The following RALGAPA1 variants were observed in gnomAD, a reference collection of about 807,000 sequenced individuals.
RALGAPA1 encodes the protein Ral GTPase activating protein catalytic subunit alpha 1, also known as ral GTPase-activating protein subunit alpha-1.
A neutral mutation model predicts 269.6 loss-of-function variants in RALGAPA1; 52 were observed. The observed-to-expected ratio is 0.19, with a 90% CI of 0.15 to 0.24. The LOEUF is 0.24. RALGAPA1 is among the 10% of genes least tolerant of loss of function. The pLI is 1.00. For missense variants in RALGAPA1, 1,917 were observed against 3,013.9 expected, an observed-to-expected ratio of 0.64 and a Z score of 8.52; for synonymous variants, 817 against 1,008.3, an observed-to-expected ratio of 0.81 and a Z score of 3.60.
chr14:35,664,399 G>A (rs2063771073), intron 27 of RALGAPA1, among the ~76,000 whole-genome samples: 1 of 152,138 alleles, frequency 6.6e-6, no homozygotes, highest in African/African-American at 2.4e-5. Context: ...GTAAGTGAAT[G>A]AATCCTAACA....
intron 7 of RALGAPA1, among the ~76,000 whole-genome samples, chr14:35,753,177 G>A (rs777503386): frequency 1.8e-4 from 28 of 152,144 alleles, no homozygotes; most frequent in Non-Finnish European, 3.7e-4. Flanking sequence ...AGACAATGAC[G>A]GAAACAATTC....
At chr14:35,571,784 T>C (rs2057223578) in intron 38 of RALGAPA1, among the ~76,000 whole-genome samples, 1 of 152,176 alleles carries the variant, frequency 6.6e-6, no homozygotes, top group East Asian at 1.9e-4. Context: ...GAAATATTCT[T>C]AGCTTGTGGG....
intron 10 of RALGAPA1, among the ~76,000 whole-genome samples, chr14:35,747,966 G>A (rs2072281963): frequency 1.3e-5 from 2 of 151,472 alleles, no homozygotes; most frequent in Non-Finnish European, 2.9e-5. Context: ...ATGCCTTAGA[G>A]GACAAAACTA....
At chr14:35,803,032 T>G (rs1166371391) in intron 1 of RALGAPA1, among the ~76,000 whole-genome samples, 2 of 151,856 alleles carry the variant, frequency 1.3e-5, no homozygotes, top group African/African-American at 4.8e-5. Flanking sequence ...GACCTGGCAT[T>G]TGGGAAAAAA....
rs1228898871 is a variant in RALGAPA1 at position 35,809,191 on chromosome 14, T to C, written c.-356A>G. On this transcript the variant is annotated 5_prime_UTR_variant, in exon 1 of 42. Transcript: ENST00000680220. ...GGCCCCGGACCCAGAGCCACGAAGGTGGAGCTCTCGGCGGCAGGAGCACAA... is the reference window on the plus strand; with the variant it reads ...GGCCCCGGACCCAGAGCCACGAAGGCGGAGCTCTCGGCGGCAGGAGCACAA... 9 of 248,386 alleles carry C rather than the reference T, an allele frequency of 3.6e-5. No homozygotes were observed. Among genetic ancestry groups the C allele is most frequent in the Non-Finnish European group, 6.1e-5 (8 of 130,772 alleles). The allele number at this position is 248,386 out of a possible 1,614,324, so 15.4% of individuals were successfully genotyped here. A position where few individuals can be genotyped will look rare whatever the true frequency, so the allele number is the denominator to read the frequency against.
chr14:35,798,900 G>A lies in RALGAPA1; in HGVS notation c.106+9830C>T, dbSNP rs181759894. Reference sequence around the variant, plus strand: ...AATCCCAGCTATTTTGCAGACTGAGGCAAAAGAATCGCTTGAACCAAGGAG... The same window carrying A: ...AATCCCAGCTATTTTGCAGACTGAGACAAAAGAATCGCTTGAACCAAGGAG... On this transcript the variant is annotated intron_variant, in intron 1 of 41. Transcript: ENST00000680220. Among the ~76,000 whole-genome samples, 209 of 151,844 alleles carry A rather than the reference G, an allele frequency of 1.4e-3. 1 individual carries two copies. Among genetic ancestry groups the A allele is most frequent in the Non-Finnish European group, 8.8e-4 (60 of 67,986 alleles).
chr14:35,767,866 C>T (rs1372312086), intron 4 of RALGAPA1, among the ~76,000 whole-genome samples: 1 of 151,988 alleles, frequency 6.6e-6, no homozygotes, highest in Non-Finnish European at 1.5e-5. Context: ...CTTGACCTCA[C>T]CAAGTTCAGA....
intron 10 of RALGAPA1, 177 bp downstream of exon 10, chr14:35,748,408 C>G: frequency 7.6e-6 from 3 of 396,036 alleles, no homozygotes; most frequent in Non-Finnish European, 1.2e-5. Flanking sequence ...GAGATGCGGT[C>G]TCTCCATGTT....
intron 10 of RALGAPA1, among the ~76,000 whole-genome samples, chr14:35,744,109 C>T (rs1238180505): frequency 1.3e-5 from 2 of 152,128 alleles, no homozygotes; most frequent in Non-Finnish European, 2.9e-5. Context: ...CGGTGGCTCA[C>T]GCCTGTAATC....
At chr14:35,552,902 ATTAAG>A (rs1463334536) in intron 39 of RALGAPA1, among the ~76,000 whole-genome samples, 1 of 152,212 alleles carries the variant, frequency 6.6e-6, no homozygotes, top group African/African-American at 2.4e-5. Flanking sequence ...ATTCATTAAT[ATTAAG>A]TTAACATCAT....
intron 29 of RALGAPA1, among the ~76,000 whole-genome samples, chr14:35,655,566 T>C (rs1015962212): frequency 6.6e-6 from 1 of 152,032 alleles, no homozygotes; most frequent in South Asian, 2.1e-4. Context: ...GTCTACCATA[T>C]ATAGTTTAGG....
In RALGAPA1 at chr14:35,760,160, T is replaced by C. The variant is rs150282718; in HGVS notation, c.547+669A>G. ...CTCCAGGATACAAGGTGATATGTAA[T>C]AATTAATGAAAAATGTTAAATGATC... On this transcript the variant is annotated intron_variant, in intron 6 of 41. Transcript: ENST00000680220. Among the ~76,000 whole-genome samples the C allele has an allele frequency of 3.8e-4, 58 of 152,288 alleles. 1 individual carries two copies. In the East Asian group the frequency reaches 8.9e-3, roughly 23 times the overall value.
At chr14:35,791,767 G>A (rs530058952) in intron 1 of RALGAPA1, among the ~76,000 whole-genome samples, 4 of 150,318 alleles carry the variant, frequency 2.7e-5, no homozygotes, top group East Asian at 2.0e-4. Context: ...TTAGCTCGGC[G>A]TGGTGGCGGG....
At chr14:35,626,634 C>T (rs2061003771) in intron 34 of RALGAPA1, among the ~76,000 whole-genome samples, 3 of 152,110 alleles carry the variant, frequency 2.0e-5, no homozygotes, top group Non-Finnish European at 1.5e-5. Context: ...TCCTACCTAA[C>T]TTACTTGAAT....
chr14:35,794,385 A>T (rs1269381319), intron 1 of RALGAPA1, among the ~76,000 whole-genome samples: 3 of 152,120 alleles, frequency 2.0e-5, no homozygotes, highest in African/African-American at 7.2e-5. Flanking sequence ...TTACTTTTAT[A>T]GGCAGGTTAC....
chr14:35,771,395 G>A (rs1015413367), intron 3 of RALGAPA1, among the ~76,000 whole-genome samples: 3 of 151,814 alleles, frequency 2.0e-5, no homozygotes, highest in Admixed American at 1.3e-4. Flanking sequence ...ACTCCGTCTC[G>A]AAACAAAACA....
At chr14:35,645,346 G>GGTGTGTGTGT (rs58039867) in intron 31 of RALGAPA1, among the ~76,000 whole-genome samples, 3,965 of 129,374 alleles carry the variant, frequency 0.031, 85 homozygotes, top group South Asian at 0.042. Flanking sequence ...TATAGAGATG[G>GGTGTGTGTGT]GTGTGTGTGT....
Position 35,689,675 on chromosome 14 carries a change from A to G in RALGAPA1, c.2736T>C (p.Cys912=). The change falls in exon 18 of 42, where the codon TGT becomes TGC. Residue 912 remains cysteine, a synonymous_variant. Transcript: ENST00000680220. ...CAAGTTCTACTGGACCTATTAAATG[A>G]CAAAGATGGTCATATATGCTATCAC... is the stretch of plus-strand genomic sequence containing the variant. ...EVGDSIYDHL[C]HLIGPVELAD... is the part of the protein sequence containing the mutation. The G allele has an allele frequency of 7.5e-7, 1 of 1,333,858 alleles. No individual in the cohort carries two copies. The highest frequency in any genetic ancestry group is 9.6e-7 in the Non-Finnish European group (1 of 1,044,188). 82.6% of individuals were successfully genotyped at this position (1,333,858 alleles called of 1,614,324 possible). A position where few individuals can be genotyped will look rare whatever the true frequency, so the allele number is the denominator to read the frequency against.
chr14:35,657,070 A>C (rs1200484533), intron 28 of RALGAPA1, among the ~76,000 whole-genome samples: 1 of 152,054 alleles, frequency 6.6e-6, no homozygotes, highest in Non-Finnish European at 1.5e-5. Context: ...TTGCATGTAG[A>C]GTTTCCTACA....
Sources: allele counts gnomAD v4.1 joint callset (sites outside exome capture counted in the v4.1 genomes callset), GRCh38; gene constraint gnomAD v4.1.1; transcripts MANE v1.5; gene names NCBI Gene and HGNC (gene_info 2026-07-23, HGNC 2026-07-21).